The following FOXN3 variants were observed in gnomAD, a reference collection of about 807,000 sequenced individuals.
FOXN3 encodes forkhead box protein N3.
Under a neutral mutation model 38.4 loss-of-function variants are expected in FOXN3, and 7 were observed. The ratio of observed to expected loss-of-function variants is 0.18; its 90% CI spans 0.10 to 0.34. FOXN3 has a LOEUF of 0.34. FOXN3 is among the 10% of genes least tolerant of loss of function. FOXN3 has a pLI of 1.00. For synonymous variants in FOXN3, 230 were observed against 242.2 expected (o/e 0.95, Z 0.47); for missense variants, 456 against 613.4 (o/e 0.74, Z 2.71).
In FOXN3 at chr14:89,576,255, G is replaced by A. The variant is rs182012543; in HGVS notation, c.-15+42773C>T. On this transcript the variant is annotated intron_variant, in intron 1 of 6. Transcript: ENST00000345097. ...AGAAAACGTTGCTTTCGCAGACTTC[G>A]CCGGGTGCCTTTCACTGCCAAACTA... is the stretch of plus-strand genomic sequence containing the variant. 1.3e-4 allele frequency: 20 copies of A among 152,286 alleles called. No homozygotes were observed. The East Asian group carries it at 1.7e-3, about 13-fold the overall frequency. 9.4% of individuals were successfully genotyped at this position (152,286 alleles called of 1,614,324 possible). A position where few individuals can be genotyped will look rare whatever the true frequency, so the allele number is the denominator to read the frequency against.
chr14:89,206,773 C>T (rs879630414), intron 4 of FOXN3, among the ~76,000 whole-genome samples: 5 of 152,190 alleles, frequency 3.3e-5, no homozygotes, highest in Admixed American at 6.5e-5. Flanking sequence ...ATCATGCCTG[C>T]GGTTTTCTCT....
rs1461182535 is a variant in FOXN3 at position 89,376,912 on chromosome 14, G to C, written c.544-26104C>G. On this transcript the variant is annotated intron_variant, in intron 2 of 5. Coordinates refer to ENST00000557258, the MANE Select transcript of FOXN3 (RefSeq NM_005197.4). ...GCCTGTAATCCCAGCTACTCAGGAG[G>C]CTGAGGCAGGAGACTTGCTTGATTC... is the stretch of plus-strand genomic sequence containing the variant. Among the ~76,000 whole-genome samples the C allele has an allele frequency of 2.7e-5, 4 of 150,692 alleles. No individual in the cohort carries two copies. The Admixed American group carries it at 2.7e-4, about 10-fold the overall frequency.
At position 89,609,450 on chromosome 14, in the gene FOXN3, C is replaced by T. The variant is rs145022626; in HGVS notation, c.-15+9578G>A. Among the ~76,000 whole-genome samples the T allele has an allele frequency of 5.5e-3, 841 of 152,224 alleles. 5 individuals carry two copies. The highest frequency in any genetic ancestry group is 0.019 in the African/African-American group (796 of 41,526). ...GGTTCTTAGTAGACAAGGAACACAA[C>T]AACATTGACAACATAACAATAAAAA... On this transcript the variant is annotated intron_variant, in intron 1 of 6. Coordinates refer to the FOXN3 transcript ENST00000345097.
chr14:89,491,485 C>A (rs1893574161), intron 1 of FOXN3, among the ~76,000 whole-genome samples: 1 of 152,182 alleles, frequency 6.6e-6, no homozygotes, highest in Non-Finnish European at 1.5e-5. Context: ...TGCCTATGTG[C>A]TTTCAAGTAT....
rs367886936 is a variant in FOXN3 at position 89,474,360 on chromosome 14, C to T, written c.-14-61870G>A. Among the ~76,000 whole-genome samples the T allele has an allele frequency of 1.3e-4, 20 of 152,320 alleles. No homozygotes were observed. The South Asian group carries it at 1.7e-3, about 13-fold the overall frequency. On this transcript the variant is annotated intron_variant, in intron 1 of 6. Transcript: ENST00000345097. The stretch of plus-strand genomic sequence containing the variant: ...AAGGACCTGCCCACCACCACATCCT[C>T]ACCCCAAGCCTTGTAATTTACACCT...
intron 2 of FOXN3, among the ~76,000 whole-genome samples, chr14:89,400,787 A>G (rs1891224637): frequency 6.6e-6 from 1 of 151,986 alleles, no homozygotes. Context: ...CTTGCCATTC[A>G]AGGCACGGCC....
At chr14:89,273,186 C>T (rs1004166644) in intron 4 of FOXN3, among the ~76,000 whole-genome samples, 5 of 152,208 alleles carry the variant, frequency 3.3e-5, no homozygotes, top group African/African-American at 9.6e-5. Flanking sequence ...TCATCTATGC[C>T]CATAACCTAT....
chr14:89,451,541 G>A (rs1246155148), intron 1 of FOXN3, among the ~76,000 whole-genome samples: 2 of 152,112 alleles, frequency 1.3e-5, no homozygotes, highest in South Asian at 4.1e-4. Context: ...TTCGTGTTAC[G>A]TGTCAGTAAC....
intron 4 of FOXN3, among the ~76,000 whole-genome samples, chr14:89,246,687 C>T (rs548592806): frequency 8.6e-5 from 13 of 151,750 alleles, no homozygotes; most frequent in Admixed American, 5.3e-4. Flanking sequence ...TACAGGCATC[C>T]GCCACCACGC....
intron 1 of FOXN3, among the ~76,000 whole-genome samples, chr14:89,488,633 A>G (rs60192562): frequency 0.053 from 8,042 of 151,962 alleles, 330 homozygotes; most frequent in African/African-American, 0.11. Context: ...TCAAAAAAAA[A>G]AAAAAAACTA....
chr14:89,531,636 C>T (rs1894574266), intron 1 of FOXN3, among the ~76,000 whole-genome samples: 1 of 152,206 alleles, frequency 6.6e-6, no homozygotes, highest in African/African-American at 2.4e-5. Flanking sequence ...GCAAACAAAT[C>T]ACATGGGGCA....
At position 89,387,005 on chromosome 14, in the gene FOXN3, C is replaced by T. The variant is rs140369852; in HGVS notation, c.543+24929G>A. Among the ~76,000 whole-genome samples, 113 of 152,264 alleles carry T rather than the reference C, an allele frequency of 7.4e-4. 4 individuals carry two copies. The East Asian group carries it at 0.021, about 28-fold the overall frequency. On this transcript the variant is annotated intron_variant, in intron 2 of 5. Coordinates refer to ENST00000557258, the MANE Select transcript of FOXN3 (RefSeq NM_005197.4). ...GGCATGGTGGCTCACGCCTGTAATC[C>T]CAGCACTTTGGGAGGCCGAGGCAGG...
intron 5 of FOXN3, among the ~76,000 whole-genome samples, chr14:89,169,157 T>C (rs563627042): frequency 1.3e-5 from 2 of 152,254 alleles, no homozygotes; most frequent in Non-Finnish European, 1.5e-5. Flanking sequence ...ACAGAAAATG[T>C]AGGCTGGGTG....
chr14:89,500,169 A>AC (rs1893767098), intron 1 of FOXN3, among the ~76,000 whole-genome samples: 1 of 151,992 alleles, frequency 6.6e-6, no homozygotes, highest in Non-Finnish European at 1.5e-5. Flanking sequence ...GGTTTTTTAC[A>AC]CCATGAATTT....
intron 4 of FOXN3, 47 bp downstream of exon 4, chr14:89,280,903 G>A (rs376567026): frequency 7.9e-5 from 120 of 1,516,910 alleles, no homozygotes; most frequent in Admixed American, 4.4e-4. Context: ...GATGAAAGGC[G>A]GGTGGGTGAG....
At chr14:89,273,332 C>A (rs548775070) in intron 4 of FOXN3, among the ~76,000 whole-genome samples, 1 of 152,246 alleles carries the variant, frequency 6.6e-6, no homozygotes, top group South Asian at 2.1e-4. Context: ...CTGGAGGAAG[C>A]TCTTAATAAA....
At chr14:89,433,530 T>C (rs12880076) in intron 1 of FOXN3, among the ~76,000 whole-genome samples, 81,660 of 151,490 alleles carry the variant, frequency 0.54, 22,593 homozygotes, top group Admixed American at 0.66. Flanking sequence ...TTAGGCTGGG[T>C]GCGGTGGCTC....
intron 1 of FOXN3, among the ~76,000 whole-genome samples, chr14:89,466,331 T>G (rs934265760): frequency 3.9e-5 from 6 of 152,236 alleles, no homozygotes; most frequent in Non-Finnish European, 1.5e-5. Context: ...TGCTGACAAG[T>G]ATGACTTTGC....
chr14:89,291,098 C>T (rs1327623127), intron 3 of FOXN3: 2 of 511,108 alleles, frequency 3.9e-6, no homozygotes, highest in Admixed American at 4.1e-5. Flanking sequence ...GTTTGTAGCC[C>T]TTTAAGACCC....
Sources: allele counts gnomAD v4.1 joint callset (sites outside exome capture counted in the v4.1 genomes callset), GRCh38; gene constraint gnomAD v4.1.1; transcripts MANE v1.5; gene names NCBI Gene and HGNC (gene_info 2026-07-23, HGNC 2026-07-21).